The following AMACR variants were observed in gnomAD, a reference collection of about 807,000 sequenced individuals.
AMACR encodes alpha-methylacyl-CoA racemase, also known as 2-methylacyl-CoA racemase.
AMACR carries 18 observed loss-of-function variants against 22.2 expected under a neutral mutation model. The ratio of observed to expected loss-of-function variants is 0.81; its 90% confidence interval spans 0.56 to 1.20. AMACR has a LOEUF of 1.20. AMACR is among the 50% of genes most tolerant of loss of function. AMACR has a pLI of 0.00. For missense variants in AMACR, 499 were observed against 490.6 expected, an observed-to-expected ratio of 1.02 and a Z score of -0.16; for synonymous variants, 213 against 191.3, an observed-to-expected ratio of 1.11 and a Z score of -0.94.
At chr5:34,001,297 C>A (rs796790705) in intron 3 of AMACR, among the ~76,000 whole-genome samples, 1 of 152,198 alleles carries the variant, frequency 6.6e-6, no homozygotes, top group Non-Finnish European at 1.5e-5. Context: ...AGGTTCAGAG[C>A]GACTAGTGTA....
chr5:34,006,985 G>A (rs1216803830), intron 1 of AMACR, among the ~76,000 whole-genome samples: 1 of 152,258 alleles, frequency 6.6e-6, no homozygotes, highest in Non-Finnish European at 1.5e-5. Context: ...GAAATAGTCC[G>A]AGTGGGCTAA....
Position 33,998,826 on chromosome 5 carries a change from A to G in AMACR, c.554T>C (p.Val185Ala), listed in dbSNP as rs145786819. The G allele has an allele frequency of 1.1e-3, 1,790 of 1,613,938 alleles. 4 individuals carry two copies. The highest frequency in any genetic ancestry group is 1.5e-3 in the South Asian group (133 of 91,086). ...GKGQVIDANM[V>A]EGTAYLSSFL... ...AGAACTTAAATATGCTGTTCCTTCCACCTTTGAGAAAACAGAATACAAGAC... is the reference window on the plus strand; with the variant it reads ...AGAACTTAAATATGCTGTTCCTTCCGCCTTTGAGAAAACAGAATACAAGAC... Residue 185 changes from valine to alanine, a missense_variant and splice_region_variant, in exon 4 of 5, where the codon GTG (valine) becomes GCG (alanine). Coordinates refer to ENST00000335606, the MANE Select transcript of AMACR (RefSeq NM_014324.6).
At chr5:34,004,273 T>C (rs1753902295) in intron 3 of AMACR, among the ~76,000 whole-genome samples, 1 of 152,152 alleles carries the variant, frequency 6.6e-6, no homozygotes, top group African/African-American at 2.4e-5. Context: ...AATATTTAGG[T>C]TGGCAAATAT....
At position 33,987,241 on chromosome 5, in the gene AMACR, G is replaced by A. The variant is rs563065271; in HGVS notation, c.*1852C>T. ...CAGCCAAGTTCCCCAGGCTGGTCTC[G>A]AACTCTTGGCCTCAAGTGATCCTCC... On this transcript the variant is annotated 3_prime_UTR_variant, in exon 5 of 5. Transcript: ENST00000335606. 305 of 152,506 alleles carry A rather than the reference G, an allele frequency of 2.0e-3. 3 individuals are homozygous for A. The highest frequency in any genetic ancestry group is 0.019 in the South Asian group (99 of 5,142). 9.4% of individuals were successfully genotyped at this position (152,506 alleles called of 1,614,324 possible). A position where few individuals can be genotyped will look rare whatever the true frequency, so the allele number is the denominator to read the frequency against.
chr5:33,999,614 TTA>T (rs1368955731), intron 3 of AMACR, among the ~76,000 whole-genome samples: 2 of 152,218 alleles, frequency 1.3e-5, no homozygotes, highest in Non-Finnish European at 2.9e-5. Context: ...TTTATGCCTT[TTA>T]TGAGCCTAAT....
rs1360501441 is a variant in AMACR, at chr5:33,988,298, C to G, written c.*795G>C. On this transcript the variant is annotated 3_prime_UTR_variant, in exon 5 of 5. Coordinates refer to ENST00000335606, the MANE Select transcript of AMACR (RefSeq NM_014324.6). Reference sequence around the variant, plus strand: ...GACACAAAACGACTTGCTGGGGGGTCCTGAGATCTTTATTTCTGGATGTTG... The same window carrying G: ...GACACAAAACGACTTGCTGGGGGGTGCTGAGATCTTTATTTCTGGATGTTG... The G allele has an allele frequency of 3.9e-6, 6 of 1,538,310 alleles. No individual in the cohort carries two copies. In the East Asian group the frequency reaches 1.5e-4, roughly 37 times the overall value.
intron 3 of AMACR, among the ~76,000 whole-genome samples, chr5:33,999,567 A>G (rs1753748312): frequency 6.6e-6 from 1 of 152,186 alleles, no homozygotes; most frequent in Middle Eastern, 3.2e-3. Flanking sequence ...CAAAGGCTGA[A>G]GGCACTGGAC....
At chr5:34,002,021 C>T (rs1267972261) in intron 3 of AMACR, among the ~76,000 whole-genome samples, 2 of 152,176 alleles carry the variant, frequency 1.3e-5, no homozygotes, top group African/African-American at 2.4e-5. Flanking sequence ...TTTTGAAACA[C>T]GGTCTCACTC....
Position 33,997,402 on chromosome 5 carries a change from C to G in AMACR, c.739+1239G>C, listed in dbSNP as rs370410046. On this transcript the variant is annotated intron_variant, in intron 4 of 4. Transcript: ENST00000335606. ...GCCGCCTCCAACGGTTACTGCCACA[C>G]AAAACCCCATGACTTGGGCTGCAAC... 44 of 777,596 alleles carry G rather than the reference C, an allele frequency of 5.7e-5. No homozygotes were observed. The African/African-American group carries it at 6.9e-4, about 12-fold the overall frequency. 48.2% of individuals were successfully genotyped at this position (777,596 alleles called of 1,614,324 possible).
intron 3 of AMACR, among the ~76,000 whole-genome samples, chr5:33,999,985 TTA>T (rs753913391): frequency 4.6e-5 from 7 of 152,252 alleles, no homozygotes; most frequent in Non-Finnish European, 1.0e-4. Flanking sequence ...TATTTTATGT[TTA>T]TGTTATTTAA....
Position 33,987,979 on chromosome 5 carries a change from T to C in AMACR, c.*1114A>G, listed in dbSNP as rs1753346133. The C allele has an allele frequency of 5.3e-6, 1 of 187,500 alleles. No homozygotes were observed. The highest frequency in any genetic ancestry group is 2.3e-5 in the African/African-American group (1 of 42,830). 11.6% of individuals were successfully genotyped at this position (187,500 alleles called of 1,614,324 possible). On this transcript the variant is annotated 3_prime_UTR_variant, in exon 5 of 5. Coordinates refer to ENST00000335606, the MANE Select transcript of AMACR (RefSeq NM_014324.6). ...TAAGAAGCCCTTCTGAGTCTCTGTTTTCTCAACTGTAAGATGAAGAAACCT... is the reference window on the plus strand; with the variant it reads ...TAAGAAGCCCTTCTGAGTCTCTGTTCTCTCAACTGTAAGATGAAGAAACCT...
intron 3 of AMACR, among the ~76,000 whole-genome samples, chr5:34,001,360 A>G (rs974378032): frequency 6.6e-6 from 1 of 152,176 alleles, no homozygotes; most frequent in Non-Finnish European, 1.5e-5. Context: ...AGAAAACAGA[A>G]GTGAGGTACA....
chr5:34,003,055 G>C (rs1178837766), intron 3 of AMACR, among the ~76,000 whole-genome samples: 1 of 152,186 alleles, frequency 6.6e-6, no homozygotes, highest in Non-Finnish European at 1.5e-5. Context: ...AAACTCTTGA[G>C]GTATCCACCA....
chr5:34,003,508 A>T (rs1753881357), intron 3 of AMACR, among the ~76,000 whole-genome samples: 1 of 152,184 alleles, frequency 6.6e-6, no homozygotes, highest in Admixed American at 6.5e-5. Context: ...CAGCACAGAG[A>T]GGTTAAGTAA....
chr5:33,991,855 C>T (rs903543621), intron 4 of AMACR, among the ~76,000 whole-genome samples: 108 of 151,924 alleles, frequency 7.1e-4, no homozygotes, highest in African/African-American at 2.4e-3. Flanking sequence ...ATTCTTCCAC[C>T]TCAGCCTCCC....
chr5:34,003,881 G>A (rs1753892434), intron 3 of AMACR, among the ~76,000 whole-genome samples: 1 of 152,170 alleles, frequency 6.6e-6, no homozygotes, highest in Admixed American at 6.5e-5. Context: ...ATGCAAACAC[G>A]CAGTGGTGGT....
chr5:34,000,363 G>A (rs1446140989), intron 3 of AMACR, among the ~76,000 whole-genome samples: 1 of 152,224 alleles, frequency 6.6e-6, no homozygotes, highest in Non-Finnish European at 1.5e-5. Context: ...CTGTTTATCT[G>A]GCTTTCATGT....
chr5:33,989,013 GT>G lies in AMACR; in HGVS notation c.*79del. ...GGACACTGTAATACTGTTCCTCCAT[GT>G]TTCCATGCATACAATGTTATGTGTT... On this transcript the variant is annotated 3_prime_UTR_variant, in exon 5 of 5. Coordinates refer to ENST00000335606, the MANE Select transcript of AMACR (RefSeq NM_014324.6). The G allele has an allele frequency of 6.3e-7, 1 of 1,596,628 alleles. No individual in the cohort carries two copies. The highest frequency in any genetic ancestry group is 8.5e-7 in the Non-Finnish European group (1 of 1,171,590).
chr5:33,986,316 TC>T lies in AMACR; in HGVS notation c.*2776del, dbSNP rs1561377634. On this transcript the variant is annotated 3_prime_UTR_variant, in exon 5 of 5. Coordinates refer to ENST00000335606, the MANE Select transcript of AMACR (RefSeq NM_014324.6). Reference sequence around the variant, plus strand: ...AGCTGTGTCAGATCGCCCTGATATTTCTCCTCGTGGTACTTAACACATTTTA... The same window carrying T: ...AGCTGTGTCAGATCGCCCTGATATTTTCCTCGTGGTACTTAACACATTTTA... 2 of 152,210 alleles carry T rather than the reference TC, an allele frequency of 1.3e-5. No individual in the cohort carries two copies. Among genetic ancestry groups the T allele is most frequent in the African/African-American group, 2.4e-5 (1 of 41,452 alleles). 9.4% of individuals were successfully genotyped at this position (152,210 alleles called of 1,614,324 possible). A position where few individuals can be genotyped will look rare whatever the true frequency, so the allele number is the denominator to read the frequency against.
Sources: allele counts gnomAD v4.1 joint callset (sites outside exome capture counted in the v4.1 genomes callset), GRCh38; gene constraint gnomAD v4.1.1; transcripts MANE v1.5; gene names NCBI Gene and HGNC (gene_info 2026-07-23, HGNC 2026-07-21).